TMEM178A: variants seen among roughly 807,000 people sequenced by gnomAD.
The protein encoded by TMEM178A is transmembrane protein 178A.
TMEM178A carries 12 observed loss-of-function variants against 29.1 expected under a neutral mutation model. That is an observed-to-expected ratio of 0.41 (90% confidence interval 0.26 to 0.67). TMEM178A has a LOEUF of 0.67. TMEM178A is among the 30% of genes least tolerant of loss of function. The pLI is 0.29. For missense variants in TMEM178A, 366 were observed against 419.1 expected, an observed-to-expected ratio of 0.87 and a Z score of 1.11; for synonymous variants, 210 against 187.2, an observed-to-expected ratio of 1.12 and a Z score of -0.99.
the TMEM178A span, among the ~76,000 whole-genome samples, chr2:39,723,815 G>A: frequency 6.6e-6 from 1 of 152,044 alleles, no homozygotes; most frequent in Non-Finnish European, 1.5e-5. Context: ...CAGCATCCAC[G>A]TCAACTACCC....
chr2:39,711,111 C>T (rs1212966024), intron 3 of TMEM178A, among the ~76,000 whole-genome samples: 2 of 152,198 alleles, frequency 1.3e-5, no homozygotes, highest in Non-Finnish European at 2.9e-5. Flanking sequence ...TTGGATGTCA[C>T]ACCCTCTGAG....
intron 1 of TMEM178A, among the ~76,000 whole-genome samples, chr2:39,696,395 C>T (rs1386681350): frequency 1.3e-5 from 2 of 152,128 alleles, no homozygotes; most frequent in African/African-American, 4.8e-5. Context: ...GGGCAGGTGC[C>T]AAGAGGGAAT....
At chr2:39,707,244 G>C in intron 3 of TMEM178A, 58 bp downstream of exon 3, 1 of 1,527,166 alleles carries the variant, frequency 6.5e-7, no homozygotes, top group East Asian at 2.3e-5. Context: ...CTCTGCATGC[G>C]GCTAGCTAGT....
At chr2:39,720,421 C>T (rs1672678836), downstream of TMEM178A, among the ~76,000 whole-genome samples, 1 of 152,176 alleles carries the variant, frequency 6.6e-6, no homozygotes, top group African/African-American at 2.4e-5. Flanking sequence ...TAGGCAACCA[C>T]CCACTCCAGA....
intron 3 of TMEM178A, 141 bp from the exon 4 acceptor site, chr2:39,716,869 A>C (rs1672561850): frequency 1.8e-6 from 2 of 1,086,234 alleles, no homozygotes; most frequent in South Asian, 1.6e-5. Flanking sequence ...AATTAATTCA[A>C]GTAAAATAAT....
intron 1 of TMEM178A, among the ~76,000 whole-genome samples, chr2:39,698,150 C>T (rs1015254930): frequency 6.6e-6 from 1 of 152,182 alleles, no homozygotes; most frequent in African/African-American, 2.4e-5. Flanking sequence ...TAACTATCCA[C>T]AAAATTAAGA....
chr2:39,720,465 CCCCCT>C (rs1672680538), downstream of TMEM178A, among the ~76,000 whole-genome samples: 1 of 152,216 alleles, frequency 6.6e-6, no homozygotes, highest in Admixed American at 6.5e-5. Flanking sequence ...GCTGGGGACA[CCCCCT>C]CCTCTGCCTG....
Position 39,704,965 on chromosome 2 carries a change from G to A in TMEM178A, c.514+771G>A, listed in dbSNP as rs116616700. On this transcript the variant is annotated intron_variant, in intron 2 of 3. Coordinates refer to ENST00000281961, the MANE Select transcript of TMEM178A (RefSeq NM_152390.3). ...TCATTCTGTAAGTAAATCTCTCTGC[G>A]GATTAAAAGGCTCTGTTCTGAATCT... 2.4e-3 allele frequency among the ~76,000 whole-genome samples: 359 copies of A among 152,268 alleles called. 1 individual carries two copies. The highest frequency in any genetic ancestry group is 7.1e-3 in the African/African-American group (293 of 41,548).
chr2:39,716,123 C>T (rs149867155), intron 3 of TMEM178A, among the ~76,000 whole-genome samples: 1 of 152,326 alleles, frequency 6.6e-6, no homozygotes, highest in East Asian at 1.9e-4. Flanking sequence ...CATTCTGATA[C>T]TTGATTGGGT....
At chr2:39,712,662 CCT>C (rs61349730) in intron 3 of TMEM178A, among the ~76,000 whole-genome samples, 254 of 146,768 alleles carry the variant, frequency 1.7e-3, no homozygotes, top group Admixed American at 2.1e-3. Flanking sequence ...GACTCAGGAA[CCT>C]CTCTCTCTCT....
intron 1 of TMEM178A, among the ~76,000 whole-genome samples, chr2:39,696,872 A>C (rs1039495745): frequency 7.2e-5 from 11 of 152,188 alleles, no homozygotes; most frequent in Admixed American, 2.6e-4. Context: ...TTGGCCCTTT[A>C]AGAAGCTAAT....
chr2:39,686,614 A>G (rs896694358), intron 1 of TMEM178A, among the ~76,000 whole-genome samples: 5 of 146,142 alleles, frequency 3.4e-5, no homozygotes, highest in African/African-American at 1.3e-4. Flanking sequence ...TGGGCTACGG[A>G]TGGTGGCTGG....
chr2:39,692,510 T>C (rs1671359740), intron 1 of TMEM178A, among the ~76,000 whole-genome samples: 1 of 152,122 alleles, frequency 6.6e-6, no homozygotes, highest in Non-Finnish European at 1.5e-5. Context: ...TAAGAAAAAT[T>C]GGAGAAAAAA....
chr2:39,723,044 C>A, the TMEM178A span, among the ~76,000 whole-genome samples: 1 of 152,198 alleles, frequency 6.6e-6, no homozygotes, highest in Non-Finnish European at 1.5e-5. Flanking sequence ...ACACAAAGGG[C>A]CTGGGCTCCC....
intron 1 of TMEM178A, among the ~76,000 whole-genome samples, chr2:39,686,000 G>A (rs1231636136): frequency 1.3e-5 from 2 of 152,212 alleles, no homozygotes; most frequent in Non-Finnish European, 1.5e-5. Context: ...AGCAGGGAGC[G>A]CTGAAGCCGA....
chr2:39,712,135 C>G (rs1672338542), intron 3 of TMEM178A, among the ~76,000 whole-genome samples: 1 of 150,740 alleles, frequency 6.6e-6, no homozygotes, highest in Admixed American at 6.6e-5. Context: ...ATAGGAATGG[C>G]TTTTTGAGTA....
Position 39,677,290 on chromosome 2 carries a change from CT to C in TMEM178A, c.400+10923del, listed in dbSNP as rs560730731. ...AGAATCTGTTCAAGCCAGGCTATGA[CT>C]TTTTTTAACTTCTTGATTTCTTGGA... On this transcript the variant is annotated intron_variant, in intron 1 of 3. Transcript: ENST00000281961. Among the ~76,000 whole-genome samples, 34 of 152,274 alleles carry C rather than the reference CT, an allele frequency of 2.2e-4. 1 individual carries two copies. In the East Asian group the frequency reaches 6.2e-3, roughly 28 times the overall value.
chr2:39,727,922 A>G, the TMEM178A span, among the ~76,000 whole-genome samples: 6 of 152,152 alleles, frequency 3.9e-5, no homozygotes, highest in Non-Finnish European at 7.4e-5. Flanking sequence ...ATAGTATTCC[A>G]TGGTGTATAT....
At chr2:39,698,646 T>G (rs1020017386) in intron 1 of TMEM178A, among the ~76,000 whole-genome samples, 6 of 152,054 alleles carry the variant, frequency 3.9e-5, no homozygotes, top group African/African-American at 1.4e-4. Flanking sequence ...GTTTTTCATA[T>G]CAGGGTAATA....
Sources: allele counts gnomAD v4.1 joint callset (sites outside exome capture counted in the v4.1 genomes callset), GRCh38; gene constraint gnomAD v4.1.1; transcripts MANE v1.5; gene names NCBI Gene and HGNC (gene_info 2026-07-23, HGNC 2026-07-21).